The following C11orf97 variants were observed in gnomAD, a reference collection of about 807,000 sequenced individuals.
C11orf97 encodes the protein uncharacterized protein C11orf97.
In C11orf97, 15 loss-of-function variants were observed where a neutral mutation model predicts 16.2. The observed-to-expected ratio is 0.93, with a 90% confidence interval of 0.62 to 1.43. The LOEUF (loss-of-function observed/expected upper bound fraction) is 1.43. Among genes scored for constraint, C11orf97 ranks in the 40% most tolerant of loss-of-function variants. The pLI is 0.00. For missense variants in C11orf97, 171 were observed against 161.2 expected, an observed-to-expected ratio of 1.06 and a Z score of -0.33; for synonymous variants, 61 against 65.7, an observed-to-expected ratio of 0.93 and a Z score of 0.34.
In C11orf97 at chr11:94,528,108, T is replaced by C. The variant is rs1363588363; in HGVS notation, c.275T>C (p.Ile92Thr). The change falls in exon 3 of 4, where the codon ATT (isoleucine) becomes ACT (threonine). Residue 92 changes from isoleucine to threonine, a missense_variant. Coordinates refer to ENST00000542198, the MANE Select transcript of C11orf97 (RefSeq NM_001190462.2). ...GTGGCCCTGGAAGGGATTTGGAGCATTAAAAGGAATCTGCCTGTGGGAGGC... is the reference window on the plus strand; with the variant it reads ...GTGGCCCTGGAAGGGATTTGGAGCACTAAAAGGAATCTGCCTGTGGGAGGC... ...AAVALEGIWS[I>T]KRNLPVGGLK... The C allele has an allele frequency of 1.3e-6, 2 of 1,535,066 alleles. No homozygotes were observed. Among genetic ancestry groups the C allele is most frequent in the Non-Finnish European group, 1.7e-6 (2 of 1,146,404 alleles).
chr11:94,515,475 CA>C (rs1054217942), intron 1 of C11orf97, among the ~76,000 whole-genome samples: 2 of 152,140 alleles, frequency 1.3e-5, no homozygotes, highest in African/African-American at 4.8e-5. Context: ...AGGTCAACAT[CA>C]AACTGCTATG....
chr11:94,518,873 A>C (rs191887611), intron 2 of C11orf97, among the ~76,000 whole-genome samples: 2 of 152,184 alleles, frequency 1.3e-5, no homozygotes, highest in Admixed American at 6.5e-5. Context: ...CCAGAAGTCC[A>C]TCATTTCAGA....
chr11:94,525,492 C>T (rs990771526), intron 2 of C11orf97, among the ~76,000 whole-genome samples: 2 of 152,156 alleles, frequency 1.3e-5, no homozygotes, highest in African/African-American at 4.8e-5. Flanking sequence ...GGATATATTT[C>T]ATTATTTCAT....
chr11:94,520,182 G>A (rs1947646711), intron 2 of C11orf97, among the ~76,000 whole-genome samples: 1 of 152,144 alleles, frequency 6.6e-6, no homozygotes, highest in African/African-American at 2.4e-5. Context: ...ATTGCAAATA[G>A]CCTTCTTTTT....
intron 1 of C11orf97, 33 bp downstream of exon 1, chr11:94,512,706 G>A: frequency 8.1e-7 from 1 of 1,235,340 alleles, no homozygotes; most frequent in Non-Finnish European, 1.0e-6. Context: ...ACGCTACTGG[G>A]AGGAGGGGCG....
rs1414627888 is a variant in C11orf97 at position 94,528,073 on chromosome 11, A to T, written c.251-11A>T. On this transcript the variant is annotated splice_polypyrimidine_tract_variant and intron_variant, in intron 2 of 3. Transcript: ENST00000542198. Reference sequence around the variant, plus strand: ...TAATAATTATTTTCTTGCCTTAAAAAATATTGACAGTGGCCCTGGAAGGGA... The same window carrying T: ...TAATAATTATTTTCTTGCCTTAAAATATATTGACAGTGGCCCTGGAAGGGA... 3 of 1,519,414 alleles carry T rather than the reference A, an allele frequency of 2.0e-6. No individual in the cohort carries two copies. Among genetic ancestry groups the T allele is most frequent in the African/African-American group, 2.8e-5 (2 of 72,122 alleles). The allele number at this position is 1,519,414 out of a possible 1,614,324, so 94.1% of individuals were successfully genotyped here.
At chr11:94,521,796 A>G (rs1947659502) in intron 2 of C11orf97, among the ~76,000 whole-genome samples, 2 of 152,154 alleles carry the variant, frequency 1.3e-5, no homozygotes, top group South Asian at 4.1e-4. Flanking sequence ...ACCAGATCCA[A>G]ATTCAGATCT....
intron 2 of C11orf97, among the ~76,000 whole-genome samples, chr11:94,523,057 C>T (rs1947671558): frequency 6.6e-6 from 1 of 152,034 alleles, no homozygotes; most frequent in African/African-American, 2.4e-5. Flanking sequence ...TGTTCACGTG[C>T]CCGCTGCAGG....
In C11orf97 at chr11:94,527,994, A is replaced by T. The variant is rs575066113; in HGVS notation, c.251-90A>T. 3.1e-3 allele frequency: 3,986 copies of T among 1,280,418 alleles called. 10 individuals carry two copies. Among genetic ancestry groups the T allele is most frequent in the Non-Finnish European group, 3.4e-3 (3,326 of 965,336 alleles). The allele number at this position is 1,280,418 out of a possible 1,614,324, so 79.3% of individuals were successfully genotyped here. Reference sequence around the variant, plus strand: ...CAAATAAACCCCCACCCAAATAAATAAAAAAATCACCAATTAAATACTTTA... The same window carrying T: ...CAAATAAACCCCCACCCAAATAAATTAAAAAATCACCAATTAAATACTTTA... On this transcript the variant is annotated intron_variant, in intron 2 of 3. Coordinates refer to ENST00000542198, the MANE Select transcript of C11orf97 (RefSeq NM_001190462.2).
intron 2 of C11orf97, among the ~76,000 whole-genome samples, chr11:94,526,152 T>C (rs1947698875): frequency 6.6e-6 from 1 of 152,194 alleles, no homozygotes; most frequent in Non-Finnish European, 1.5e-5. Context: ...GGAATGCACA[T>C]GCCCTGAGCT....
chr11:94,528,667 G>A (rs1239179039), intron 3 of C11orf97, among the ~76,000 whole-genome samples: 1 of 152,166 alleles, frequency 6.6e-6, no homozygotes, highest in Non-Finnish European at 1.5e-5. Context: ...CCACCAGACT[G>A]GGCCCAGGAT....
intron 1 of C11orf97, among the ~76,000 whole-genome samples, chr11:94,514,431 C>T (rs1316125557): frequency 6.6e-6 from 1 of 152,114 alleles, no homozygotes; most frequent in Non-Finnish European, 1.5e-5. Flanking sequence ...AGTACTCAGT[C>T]AATTTTTCAA....
At chr11:94,526,141 T>G (rs1434999061) in intron 2 of C11orf97, among the ~76,000 whole-genome samples, 1 of 152,182 alleles carries the variant, frequency 6.6e-6, no homozygotes, top group African/African-American at 2.4e-5. Flanking sequence ...TTCCTCCTTC[T>G]GGAATGCACA....
intron 2 of C11orf97, among the ~76,000 whole-genome samples, chr11:94,524,830 A>G (rs2509944): frequency 0.44 from 66,311 of 151,898 alleles, 14,598 homozygotes; most frequent in South Asian, 0.45. Flanking sequence ...AGGACAAGGC[A>G]GGCCGATCAC....
intron 2 of C11orf97, among the ~76,000 whole-genome samples, chr11:94,520,355 A>G (rs12277926): frequency 0.019 from 2,892 of 152,018 alleles, 99 homozygotes; most frequent in African/African-American, 0.066. Context: ...TTCTTTCTCC[A>G]TCTTCTTTGC....
intron 1 of C11orf97, among the ~76,000 whole-genome samples, chr11:94,514,584 C>T (rs1947595718): frequency 6.6e-6 from 1 of 151,756 alleles, no homozygotes. Context: ...GCTCCTTGAG[C>T]ACCAACCAAA....
chr11:94,525,891 G>C (rs559163220), intron 2 of C11orf97, among the ~76,000 whole-genome samples: 1 of 152,288 alleles, frequency 6.6e-6, no homozygotes, highest in Non-Finnish European at 1.5e-5. Context: ...GGGCATAAAG[G>C]CATGGTTTAG....
At chr11:94,515,572 T>C (rs371912506) in intron 1 of C11orf97, among the ~76,000 whole-genome samples, 20 of 151,442 alleles carry the variant, frequency 1.3e-4, no homozygotes, top group African/African-American at 4.6e-4. Context: ...CCTTTCCTTT[T>C]CCTTCCTTTC....
At chr11:94,521,102 G>A (rs1947654275) in intron 2 of C11orf97, among the ~76,000 whole-genome samples, 1 of 152,128 alleles carries the variant, frequency 6.6e-6, no homozygotes, top group Non-Finnish European at 1.5e-5. Context: ...TCTTCATTCA[G>A]GCTTCAACTG....
Sources: allele counts gnomAD v4.1 joint callset (sites outside exome capture counted in the v4.1 genomes callset), GRCh38; gene constraint gnomAD v4.1.1; transcripts MANE v1.5; gene names NCBI Gene and HGNC (gene_info 2026-07-23, HGNC 2026-07-21).